The following WBP4 variants were observed in gnomAD, a reference collection of about 807,000 sequenced individuals.
The protein encoded by WBP4 is WW domain-binding protein 4.
A neutral mutation model predicts 55.4 loss-of-function variants in WBP4; 37 were observed. That is an observed-to-expected ratio of 0.67 (90% confidence interval 0.51 to 0.88). The LOEUF is 0.88. Ranked by LOEUF, WBP4 falls within the 40% of genes least tolerant of loss-of-function variation. The probability of loss-of-function intolerance (pLI) is 0.00; values close to 1 mark genes in which losing one functional copy is unlikely to be tolerated. For synonymous variants in WBP4, 142 were observed against 140.2 expected, an observed-to-expected ratio of 1.01 and a Z score of -0.09; for missense variants, 398 against 420.8, an observed-to-expected ratio of 0.95 and a Z score of 0.47.
In WBP4 at chr13:41,068,878, A is replaced by G. The variant is rs1307927633; in HGVS notation, c.439+141A>G. ...GTTTTTCATTTTTGCCCCAAAGGTA[A>G]GAAAACTGTGTGCCCTTTAAAAAGG... On this transcript the variant is annotated intron_variant, in intron 5 of 9. Coordinates refer to ENST00000379487, the MANE Select transcript of WBP4 (RefSeq NM_007187.5). 4 of 923,948 alleles carry G rather than the reference A, an allele frequency of 4.3e-6. No individual in the cohort carries two copies. The South Asian group carries it at 1.1e-4, about 26-fold the overall frequency. The allele number at this position is 923,948 out of a possible 1,614,324, so 57.2% of individuals were successfully genotyped here.
intron 8 of WBP4, among the ~76,000 whole-genome samples, chr13:41,079,833 G>A (rs951477607): frequency 6.6e-6 from 1 of 152,014 alleles, no homozygotes; most frequent in African/African-American, 2.4e-5. Flanking sequence ...ACGGAGGATT[G>A]GATAAAAAAA....
intron 4 of WBP4, among the ~76,000 whole-genome samples, chr13:41,068,306 A>G (rs1878068233): frequency 6.6e-6 from 1 of 152,136 alleles, no homozygotes; most frequent in Admixed American, 6.6e-5. Context: ...TCAGTTCCAC[A>G]CTGCTGGCTG....
At chr13:41,080,924 G>A (rs950230096) in intron 9 of WBP4, 115 bp downstream of exon 9, 4 of 1,129,662 alleles carry the variant, frequency 3.5e-6, no homozygotes, top group African/African-American at 3.2e-5. Flanking sequence ...AGTATAGCTT[G>A]AGGCCAGATG....
intron 8 of WBP4, among the ~76,000 whole-genome samples, chr13:41,077,863 C>T (rs536619182): frequency 7.3e-5 from 11 of 151,196 alleles, no homozygotes; most frequent in African/African-American, 2.7e-4. Flanking sequence ...ATGGTAAAAC[C>T]GAGAACCAAA....
Position 41,071,469 on chromosome 13 carries a change from T to A in WBP4, c.440-58T>A. On this transcript the variant is annotated intron_variant, in intron 5 of 9. Transcript: ENST00000379487. ...GACTGTAAATTTTGTCCAAATTTTT[T>A]GGAAAGTATTTTTTTAAAGCAAAAA... The A allele has an allele frequency of 2.0e-6, 3 of 1,500,414 alleles. No homozygotes were observed. The South Asian group carries it at 3.6e-5, about 18-fold the overall frequency. The allele number at this position is 1,500,414 out of a possible 1,614,324, so 92.9% of individuals were successfully genotyped here. A position where few individuals can be genotyped will look rare whatever the true frequency, so the allele number is the denominator to read the frequency against.
At chr13:41,073,817 A>AAT (rs891295128) in intron 7 of WBP4, among the ~76,000 whole-genome samples, 2 of 152,252 alleles carry the variant, frequency 1.3e-5, no homozygotes, top group Non-Finnish European at 2.9e-5. Context: ...AATAAAATAA[A>AAT]AAATAAAACT....
At chr13:41,066,001 A>G (rs939273060) in intron 4 of WBP4, among the ~76,000 whole-genome samples, 8 of 152,236 alleles carry the variant, frequency 5.3e-5, no homozygotes, top group African/African-American at 1.7e-4. Flanking sequence ...TTAAGGTTTT[A>G]AGCAGAGTAC....
At chr13:41,067,988 A>G (rs549276996) in intron 4 of WBP4, among the ~76,000 whole-genome samples, 1 of 152,262 alleles carries the variant, frequency 6.6e-6, no homozygotes, top group South Asian at 2.1e-4. Flanking sequence ...TTTTTTCCCA[A>G]ATAATTAATC....
At chr13:41,072,958 A>T in intron 7 of WBP4, 101 bp downstream of exon 7, 1 of 864,748 alleles carries the variant, frequency 1.2e-6, no homozygotes. Flanking sequence ...TTAGTATACA[A>T]TAAACATATT....
chr13:41,072,334 A>T (rs1566211435), intron 6 of WBP4, among the ~76,000 whole-genome samples: 1 of 152,228 alleles, frequency 6.6e-6, no homozygotes, highest in Non-Finnish European at 1.5e-5. Context: ...TTATCAAGAA[A>T]AGAGGTTTAA....
intron 9 of WBP4, among the ~76,000 whole-genome samples, chr13:41,081,990 C>A (rs1480210042): frequency 6.6e-6 from 1 of 152,162 alleles, no homozygotes; most frequent in East Asian, 1.9e-4. Flanking sequence ...CTAATTTACT[C>A]TTTCACAGAC....
intron 1 of WBP4, chr13:41,061,960 C>T (rs1226731831): frequency 1.1e-6 from 1 of 885,100 alleles, no homozygotes; most frequent in Non-Finnish European, 1.4e-6. Flanking sequence ...ACGCAGTGCT[C>T]TCTCTACGAC....
intron 9 of WBP4, among the ~76,000 whole-genome samples, chr13:41,081,042 C>T (rs1878752430): frequency 1.3e-5 from 2 of 151,524 alleles, no homozygotes; most frequent in South Asian, 4.2e-4. Flanking sequence ...ACTAAAAATA[C>T]AAAAATTAGC....
rs756222057 is a variant in WBP4, at chr13:41,082,835, G to C, written c.1052G>C (p.Gly351Ala). Residue 351 changes from glycine to alanine, a missense_variant, in exon 10 of 10, where the codon GGA becomes GCA. Coordinates refer to ENST00000379487, the MANE Select transcript of WBP4 (RefSeq NM_007187.5). Reference sequence around the variant, plus strand: ...ACTTCTCTTGGAGTTATGGCAGATGGAGTGGCCCCAGTCTTCAAAAAGAGA... The same window carrying C: ...ACTTCTCTTGGAGTTATGGCAGATGCAGTGGCCCCAGTCTTCAAAAAGAGA... ...TVTSLGVMAD[G>A]VAPVFKKRRT... is the part of the protein sequence containing the mutation. 1.9e-6 allele frequency: 3 copies of C among 1,614,114 alleles called. No individual in the cohort carries two copies. Among genetic ancestry groups the C allele is most frequent in the Non-Finnish European group, 2.5e-6 (3 of 1,180,012 alleles).
intron 5 of WBP4, among the ~76,000 whole-genome samples, chr13:41,069,549 C>T (rs142108425): frequency 1.3e-5 from 2 of 151,998 alleles, no homozygotes; most frequent in Non-Finnish European, 2.9e-5. Flanking sequence ...GTAGTCCCAG[C>T]TACTTGGGAG....
At chr13:41,081,836 A>G (rs1230095166) in intron 9 of WBP4, among the ~76,000 whole-genome samples, 1 of 152,240 alleles carries the variant, frequency 6.6e-6, no homozygotes, top group African/African-American at 2.4e-5. Flanking sequence ...TCCTTGGAAT[A>G]GATTGCCTTC....
At position 41,083,065 on chromosome 13, in the gene WBP4, T is replaced by G. The variant is rs1878855330; in HGVS notation, c.*151T>G. 1 of 818,852 alleles carries G rather than the reference T, an allele frequency of 1.2e-6. No homozygotes were observed. The highest frequency in any genetic ancestry group is 1.8e-6 in the Non-Finnish European group (1 of 545,992). 50.7% of individuals were successfully genotyped at this position (818,852 alleles called of 1,614,324 possible). ...GTGAATTAAAATAAATATTTTTTCA[T>G]GTGAAATTTATTTTGGTTCCTAAAA... is the stretch of plus-strand genomic sequence containing the variant. On this transcript the variant is annotated 3_prime_UTR_variant, in exon 10 of 10. Transcript: ENST00000379487.
In WBP4 at chr13:41,065,286, AGGT is replaced by A; in HGVS notation, c.262_262+2del. ...ATTTGAAAAGACTTGGCTTAGAGTC[AGGT>A]AAAAAAAAAAAAAAAAAAAAAGCAG... On this transcript the variant is annotated splice_donor_variant and coding_sequence_variant, in exon 4 of 10. Transcript: ENST00000379487. LOFTEE classifies it high-confidence loss of function. The A allele has an allele frequency of 6.9e-7, 1 of 1,440,274 alleles. No homozygotes were observed. The highest frequency in any genetic ancestry group is 1.5e-5 in the African/African-American group (1 of 67,602). The allele number at this position is 1,440,274 out of a possible 1,614,324, so 89.2% of individuals were successfully genotyped here. A position where few individuals can be genotyped will look rare whatever the true frequency, so the allele number is the denominator to read the frequency against.
chr13:41,063,271 A>G (rs1225016807), intron 2 of WBP4, among the ~76,000 whole-genome samples: 1 of 152,114 alleles, frequency 6.6e-6, no homozygotes, highest in African/African-American at 2.4e-5. Context: ...CACACCGCTG[A>G]TTTTTCTCCC....
Sources: gnomAD v4.1 joint callset for allele counts (sites outside exome capture counted in the v4.1 genomes callset) on GRCh38, gnomAD v4.1.1 for gene constraint, MANE v1.5 for transcripts, NCBI Gene and HGNC (gene_info 2026-07-23, HGNC 2026-07-21) for gene names.